CNTNAP2: variants seen among roughly 807,000 people sequenced by gnomAD.
The protein encoded by CNTNAP2 is contactin-associated protein-like 2.
Under a neutral mutation model 155.2 loss-of-function variants are expected in CNTNAP2, and 98 were observed. The ratio of observed to expected loss-of-function variants is 0.63; its 90% CI spans 0.54 to 0.75. The LOEUF (loss-of-function observed/expected upper bound fraction) is 0.75. Ranked by LOEUF, CNTNAP2 falls within the 30% of genes least tolerant of loss-of-function variation. The pLI, the probability that CNTNAP2 is intolerant of heterozygous loss-of-function variation, is 0.00. For missense variants in CNTNAP2, 1,727 were observed against 1,688.1 expected, an observed-to-expected ratio of 1.02 and a Z score of -0.40; for synonymous variants, 651 against 631.2, an observed-to-expected ratio of 1.03 and a Z score of -0.47.
chr7:147,037,585 C>A (rs1666869583), intron 3 of CNTNAP2, among the ~76,000 whole-genome samples: 1 of 151,704 alleles, frequency 6.6e-6, no homozygotes. Flanking sequence ...CCTCAGCCTC[C>A]TGAGTAGCTG....
chr7:148,050,315 G>T (rs73470231), intron 15 of CNTNAP2, among the ~76,000 whole-genome samples: 3 of 152,296 alleles, frequency 2.0e-5, no homozygotes, highest in African/African-American at 7.2e-5. Flanking sequence ...GGAAGACAGT[G>T]ATATTGATAT....
At chr7:148,106,487 C>T (rs373327954) in intron 15 of CNTNAP2, among the ~76,000 whole-genome samples, 7 of 101,974 alleles carry the variant, frequency 6.9e-5, no homozygotes, top group Non-Finnish European at 3.5e-5. Flanking sequence ...GTACTGCACA[C>T]TTTGAGATAT....
intron 3 of CNTNAP2, among the ~76,000 whole-genome samples, chr7:146,988,089 C>A (rs897232661): frequency 6.6e-6 from 1 of 152,012 alleles, no homozygotes; most frequent in Non-Finnish European, 1.5e-5. Flanking sequence ...AATATTTTAG[C>A]AAATGAGTAA....
Position 147,772,251 on chromosome 7 carries a change from G to T in CNTNAP2, c.2099-131314G>T, listed in dbSNP as rs1223599167. ...CCAGCCTGACCAACATAGTGAAATT[G>T]CGTCTCTACTAAAAATACAAAAACC... On this transcript the variant is annotated intron_variant, in intron 13 of 23. Transcript: ENST00000361727. 7.9e-5 allele frequency among the ~76,000 whole-genome samples: 12 copies of T among 151,234 alleles called. No individual in the cohort carries two copies. The East Asian group carries it at 2.0e-3, about 25-fold the overall frequency.
At chr7:147,796,372 TGAAGGAA>T (rs1797895534) in intron 13 of CNTNAP2, among the ~76,000 whole-genome samples, 1 of 152,182 alleles carries the variant, frequency 6.6e-6, no homozygotes, top group Non-Finnish European at 1.5e-5. Context: ...TAATGACAAT[TGAAGGAA>T]GCCTTAGCAC....
intron 13 of CNTNAP2, among the ~76,000 whole-genome samples, chr7:147,871,912 T>C (rs959715617): frequency 5.3e-5 from 8 of 152,338 alleles, no homozygotes; most frequent in African/African-American, 1.9e-4. Context: ...TTTCTTGCTT[T>C]GGTTGGAGCC....
intron 14 of CNTNAP2, among the ~76,000 whole-genome samples, chr7:147,960,449 G>A (rs1337426597): frequency 2.0e-5 from 3 of 152,134 alleles, no homozygotes; most frequent in East Asian, 3.9e-4. Context: ...GAAAGTTCAG[G>A]TATATTCAAT....
At chr7:146,151,722 A>G (rs1798055808) in intron 1 of CNTNAP2, among the ~76,000 whole-genome samples, 1 of 126,402 alleles carries the variant, frequency 7.9e-6, no homozygotes, top group Non-Finnish European at 1.6e-5. Flanking sequence ...ATGTATATAT[A>G]TATATGCGCA....
intron 15 of CNTNAP2, among the ~76,000 whole-genome samples, chr7:148,018,652 G>A (rs1366628741): frequency 1.3e-5 from 2 of 152,204 alleles, no homozygotes; most frequent in African/African-American, 4.8e-5. Flanking sequence ...GGTAGCAAAA[G>A]TGACCGGGAT....
chr7:146,858,577 C>T (rs1162591048), intron 3 of CNTNAP2, among the ~76,000 whole-genome samples: 2 of 152,100 alleles, frequency 1.3e-5, no homozygotes, highest in South Asian at 2.1e-4. Flanking sequence ...GCCTGTAGTT[C>T]CAGCTCCTCA....
chr7:146,640,388 A>C (rs1233011891), intron 1 of CNTNAP2, among the ~76,000 whole-genome samples: 2 of 152,172 alleles, frequency 1.3e-5, no homozygotes, highest in Non-Finnish European at 2.9e-5. Context: ...GATAATGTGC[A>C]CACTGGAGAT....
chr7:147,167,781 T>C (rs765629162), intron 8 of CNTNAP2, among the ~76,000 whole-genome samples: 2 of 152,080 alleles, frequency 1.3e-5, no homozygotes, highest in Non-Finnish European at 1.5e-5. Flanking sequence ...GACCTGCATA[T>C]TGAGCTGTTT....
intron 8 of CNTNAP2, among the ~76,000 whole-genome samples, chr7:147,223,809 C>T (rs1803459692): frequency 6.6e-6 from 1 of 151,706 alleles, no homozygotes; most frequent in African/African-American, 2.4e-5. Flanking sequence ...GGTGTGGTGG[C>T]ACACACCTGT....
rs537727147 is a variant in CNTNAP2, at chr7:147,434,524, A to G, written c.1670+38744A>G. 5.9e-5 allele frequency among the ~76,000 whole-genome samples: 9 copies of G among 152,344 alleles called. No homozygotes were observed. In the South Asian group the frequency reaches 1.9e-3, roughly 32 times the overall value. ...TTTCCGAAGGAAAAAGAAATCAAGA[A>G]TAATATTTAAAGGCTCATAATATCT... On this transcript the variant is annotated intron_variant, in intron 10 of 23. Coordinates refer to ENST00000361727, the MANE Select transcript of CNTNAP2 (RefSeq NM_014141.6).
chr7:148,247,510 A>G (rs940389667), intron 20 of CNTNAP2, among the ~76,000 whole-genome samples: 13 of 151,462 alleles, frequency 8.6e-5, no homozygotes, highest in Non-Finnish European at 1.3e-4. Context: ...TCCTGAGACC[A>G]CTTTCCCCAC....
At chr7:146,933,509 A>T (rs1796831500) in intron 3 of CNTNAP2, among the ~76,000 whole-genome samples, 1 of 151,162 alleles carries the variant, frequency 6.6e-6, no homozygotes, top group Admixed American at 6.6e-5. Flanking sequence ...AGGCATTACC[A>T]TTCAGGACAT....
intron 3 of CNTNAP2, among the ~76,000 whole-genome samples, chr7:146,971,220 T>G (rs1797789930): frequency 6.6e-6 from 1 of 151,902 alleles, no homozygotes; most frequent in Non-Finnish European, 1.5e-5. Flanking sequence ...AAAAAAAAGT[T>G]AATACTAAAG....
chr7:147,731,683 T>C (rs951826096), intron 13 of CNTNAP2, among the ~76,000 whole-genome samples: 3 of 152,110 alleles, frequency 2.0e-5, no homozygotes, highest in Non-Finnish European at 4.4e-5. Flanking sequence ...ATACAATTCA[T>C]AGGGCTAGAG....
At chr7:146,138,046 T>G (rs536271531) in intron 1 of CNTNAP2, among the ~76,000 whole-genome samples, 1 of 152,164 alleles carries the variant, frequency 6.6e-6, no homozygotes, top group African/African-American at 2.4e-5. Flanking sequence ...ACTACATTCC[T>G]TGCACATCAT....
Sources: gnomAD v4.1 joint callset for allele counts (sites outside exome capture counted in the v4.1 genomes callset) on GRCh38, gnomAD v4.1.1 for gene constraint, MANE v1.5 for transcripts, NCBI Gene and HGNC (gene_info 2026-07-23, HGNC 2026-07-21) for gene names.